Variants in YIPF1 observed in about 807,000 individuals in gnomAD.
YIPF1 encodes the protein Yip1 domain family member 1.
A neutral mutation model predicts 37.0 loss-of-function variants in YIPF1; 22 were observed. That is an observed-to-expected ratio of 0.59 (90% CI 0.42 to 0.85). YIPF1 has a LOEUF of 0.85. Among genes scored for constraint, YIPF1 ranks in the 40% least tolerant of loss-of-function variants. The probability of loss-of-function intolerance (pLI) is 0.00; values close to 1 mark genes in which losing one functional copy is unlikely to be tolerated. For missense variants in YIPF1, 355 were observed against 373.1 expected (o/e 0.95, Z 0.40); for synonymous variants, 128 against 131.9 (o/e 0.97, Z 0.21).
At chr1:53,873,750 T>C (rs1650256304) in intron 6 of YIPF1, among the ~76,000 whole-genome samples, 2 of 151,488 alleles carry the variant, frequency 1.3e-5, no homozygotes, top group Non-Finnish European at 2.9e-5. Context: ...TCCCAGCACT[T>C]TGGGAGGCTG....
At chr1:53,874,247 G>A (rs530703000) in intron 6 of YIPF1, among the ~76,000 whole-genome samples, 18 of 152,162 alleles carry the variant, frequency 1.2e-4, no homozygotes, top group East Asian at 9.7e-4. Flanking sequence ...AGAGACTTAC[G>A]ACACCCACTC....
chr1:53,866,025 C>G (rs567788348), intron 9 of YIPF1, among the ~76,000 whole-genome samples, 175 bp downstream of exon 9: 4 of 152,288 alleles, frequency 2.6e-5, no homozygotes, highest in South Asian at 2.1e-4. Flanking sequence ...TGGTCTTGAG[C>G]TCCCGAGCTC....
chr1:53,873,929 C>A (rs1303290603), intron 6 of YIPF1, among the ~76,000 whole-genome samples: 1 of 152,120 alleles, frequency 6.6e-6, no homozygotes, highest in African/African-American at 2.4e-5. Flanking sequence ...ATGCTCTAAG[C>A]TACCTAACAA....
In YIPF1 at chr1:53,858,140, C is replaced by T. The variant is rs180797026; in HGVS notation, c.*8+1916G>A. 1.4e-3 allele frequency among the ~76,000 whole-genome samples: 212 copies of T among 152,266 alleles called. 1 individual carries two copies. Among genetic ancestry groups the T allele is most frequent in the African/African-American group, 3.3e-3 (139 of 41,542 alleles). ...GAGGGAAGCCCATGCTATTTAATGT[C>T]TCCAAGGGCTCTGATCTTCTTTGAT... On this transcript the variant is annotated intron_variant, in intron 10 of 10. Transcript: ENST00000072644.
chr1:53,862,356 C>T (rs775518642), intron 9 of YIPF1, among the ~76,000 whole-genome samples: 19 of 152,086 alleles, frequency 1.2e-4, no homozygotes, highest in African/African-American at 2.7e-4. Context: ...ATGTCCGGTC[C>T]GGATCTAGGC....
chr1:53,868,738 C>A (rs967437800), intron 7 of YIPF1, among the ~76,000 whole-genome samples: 1 of 152,076 alleles, frequency 6.6e-6, no homozygotes, highest in Admixed American at 6.6e-5. Flanking sequence ...TTGATAGGGC[C>A]AATGACTACT....
chr1:53,886,245 G>A (rs892560166), intron 3 of YIPF1, among the ~76,000 whole-genome samples: 34 of 152,008 alleles, frequency 2.2e-4, no homozygotes, highest in African/African-American at 7.5e-4. Context: ...GATGGAAAGT[G>A]TGCCCGTGAT....
intron 9 of YIPF1, among the ~76,000 whole-genome samples, chr1:53,863,255 C>A (rs893504057): frequency 1.3e-5 from 2 of 152,126 alleles, no homozygotes; most frequent in African/African-American, 4.8e-5. Flanking sequence ...TAAGAAGATG[C>A]CAGTGAGAGG....
At chr1:53,863,847 C>G (rs1214139773) in intron 9 of YIPF1, among the ~76,000 whole-genome samples, 1 of 152,080 alleles carries the variant, frequency 6.6e-6, no homozygotes, top group Non-Finnish European at 1.5e-5. Flanking sequence ...TCAAGCGATT[C>G]TCACACCTCA....
chr1:53,870,373 A>C (rs12129074), intron 7 of YIPF1, among the ~76,000 whole-genome samples: 62,935 of 149,276 alleles, frequency 0.42, 13,709 homozygotes, highest in East Asian at 0.57. Context: ...ACAAGGTCTC[A>C]CTATGTTGCC....
Position 53,866,963 on chromosome 1 carries a change from C to A in YIPF1, c.482-39G>T, listed in dbSNP as rs765063367. On this transcript the variant is annotated intron_variant, in intron 7 of 10. Coordinates refer to ENST00000072644, the MANE Select transcript of YIPF1 (RefSeq NM_018982.5). ...GACACAAGTTTCAATCTCCATCATG[C>A]CTTTAGTAGACTATCAGAGCACTTC... is the stretch of plus-strand genomic sequence containing the variant. The A allele has an allele frequency of 1.9e-6, 3 of 1,578,940 alleles. No homozygotes were observed. The South Asian group carries it at 3.6e-5, about 19-fold the overall frequency.
Position 53,871,379 on chromosome 1 carries a change from G to T in YIPF1, c.474C>A (p.Phe158Leu). 2 of 1,613,290 alleles carry T rather than the reference G, an allele frequency of 1.2e-6. No individual in the cohort carries two copies. Among genetic ancestry groups the T allele is most frequent in the Non-Finnish European group, 1.7e-6 (2 of 1,179,596 alleles). Residue 158 changes from phenylalanine (F) to leucine (L), a missense_variant, in exon 7 of 11, where the codon TTC becomes TTA. Transcript: ENST00000072644. ...GTCAAGCTATTCACCAACCTTTTCG[G>T]AATTCGGGCACATAATGGTACGTCT... is the stretch of plus-strand genomic sequence containing the variant. ...GEKTYHYVPE[F>L]RKVSIAATII...
chr1:53,864,302 C>T (rs929217796), intron 9 of YIPF1, among the ~76,000 whole-genome samples: 3 of 152,198 alleles, frequency 2.0e-5, no homozygotes, highest in Admixed American at 1.3e-4. Context: ...AGAAGAGTCA[C>T]GGCAGCATTT....
chr1:53,853,831 A>C (rs979847155), intron 10 of YIPF1, among the ~76,000 whole-genome samples: 1 of 152,230 alleles, frequency 6.6e-6, no homozygotes, highest in Non-Finnish European at 1.5e-5. Context: ...GGTAGGGACA[A>C]ACGGGCCCAC....
chr1:53,889,117 G>A, intron 2 of YIPF1, 127 bp downstream of exon 2: 1 of 492,430 alleles, frequency 2.0e-6, no homozygotes, highest in East Asian at 2.9e-5. Flanking sequence ...TTTATATAAA[G>A]ATAACCACTA....
intron 6 of YIPF1, among the ~76,000 whole-genome samples, chr1:53,874,430 G>A (rs1009381426): frequency 3.9e-5 from 6 of 152,190 alleles, no homozygotes; most frequent in African/African-American, 9.6e-5. Context: ...AGAAAAGCAC[G>A]AAGAATAACA....
chr1:53,864,656 C>T (rs774842643), intron 9 of YIPF1, among the ~76,000 whole-genome samples: 3 of 152,184 alleles, frequency 2.0e-5, no homozygotes, highest in Admixed American at 1.3e-4. Context: ...ACTAAGACAC[C>T]TTCCCATGGC....
chr1:53,881,379 T>C (rs982864255), intron 4 of YIPF1, among the ~76,000 whole-genome samples: 1 of 151,938 alleles, frequency 6.6e-6, no homozygotes, highest in African/African-American at 2.4e-5. Context: ...GGGATCTAAT[T>C]AAACTAAAGA....
At position 53,866,025 on chromosome 1, in the gene YIPF1, C is replaced by T. The variant is rs567788348; in HGVS notation, c.831+175G>A. ...CCATGTTGCCCAGGCTGGTCTTGAGCTCCCGAGCTCGAGATCCGCCCACTT... is the reference window on the plus strand; with the variant it reads ...CCATGTTGCCCAGGCTGGTCTTGAGTTCCCGAGCTCGAGATCCGCCCACTT... On this transcript the variant is annotated intron_variant, in intron 9 of 10. Transcript: ENST00000072644. Among the ~76,000 whole-genome samples the T allele has an allele frequency of 2.0e-5, 3 of 152,288 alleles. No individual in the cohort carries two copies. In the South Asian group the frequency reaches 6.2e-4, roughly 32 times the overall value.
Sources: allele counts gnomAD v4.1 joint callset (sites outside exome capture counted in the v4.1 genomes callset), GRCh38; gene constraint gnomAD v4.1.1; transcripts MANE v1.5; gene names NCBI Gene and HGNC (gene_info 2026-07-23, HGNC 2026-07-21).